Variants in POLR2F observed in about 807,000 individuals in gnomAD.
POLR2F encodes the protein DNA-directed RNA polymerases I, II, and III subunit RPABC2.
POLR2F carries 12 observed loss-of-function variants against 22.7 expected under a neutral mutation model. The ratio of observed to expected loss-of-function variants is 0.53; its 90% CI spans 0.34 to 0.86. POLR2F has a LOEUF of 0.86. Among genes scored for constraint, POLR2F ranks in the 40% least tolerant of loss-of-function variants. POLR2F has a pLI of 0.02. For missense variants in POLR2F, 126 were observed against 171.5 expected (o/e 0.73, Z 1.48); for synonymous variants, 57 against 66.0 (o/e 0.86, Z 0.66).
intron 1 of POLR2F, among the ~76,000 whole-genome samples, chr22:37,989,969 C>A (rs1932688807): frequency 6.6e-6 from 1 of 152,242 alleles, no homozygotes; most frequent in Non-Finnish European, 1.5e-5. Flanking sequence ...GGTTGGAATT[C>A]TTTTCCCTAT....
At chr22:38,009,053 G>C (rs929321553) in intron 1 of POLR2F, among the ~76,000 whole-genome samples, 1 of 152,160 alleles carries the variant, frequency 6.6e-6, no homozygotes, top group Non-Finnish European at 1.5e-5. Flanking sequence ...GGTATCTGGG[G>C]AAGAACATTC....
At chr22:38,025,780 A>C in intron 1 of POLR2F, 1 of 1,549,804 alleles carries the variant, frequency 6.5e-7, no homozygotes, top group Non-Finnish European at 8.8e-7. Context: ...CAGGGCACTC[A>C]ATCTGCACCC....
At chr22:37,966,190 T>C (rs1045577593) in intron 3 of POLR2F, among the ~76,000 whole-genome samples, 1 of 152,114 alleles carries the variant, frequency 6.6e-6, no homozygotes, top group Non-Finnish European at 1.5e-5. Context: ...TCTCGCAGGT[T>C]TTTAGGGAGA....
downstream of POLR2F, among the ~76,000 whole-genome samples, chr22:38,028,067 G>A (rs1433406939): frequency 2.0e-5 from 3 of 152,160 alleles, no homozygotes; most frequent in Admixed American, 6.5e-5. Flanking sequence ...CTGCATCACC[G>A]AAAGTCCCTG....
chr22:37,986,595 G>T lies in POLR2F; in HGVS notation c.120+283G>T, dbSNP rs1271998135. The T allele has an allele frequency of 1.4e-6, 1 of 706,304 alleles. No homozygotes were observed. The highest frequency in any genetic ancestry group is 1.7e-5 in the African/African-American group (1 of 57,354). 43.8% of individuals were successfully genotyped at this position (706,304 alleles called of 1,614,324 possible). The stretch of plus-strand genomic sequence containing the variant: ...CTGCAGGAAGCCACGCTAGACAGAA[G>T]GGGCCACTCCCTCTCTCTCTCCCTT... On this transcript the variant is annotated intron_variant, in intron 1 of 2. Transcript: ENST00000333418. This position sits in a 1 kb window ranked among gnomAD's most constrained non-coding sequence, Gnocchi z 4.7.
exon 3 of POLR2F, chr22:38,026,494 C>T (rs1462373764): frequency 8.3e-6 from 3 of 360,100 alleles, no homozygotes; most frequent in African/African-American, 4.3e-5. Flanking sequence ...CCATCTGCAA[C>T]TGTGAGATTC....
chr22:37,960,348 C>T (rs898438282), intron 3 of POLR2F, among the ~76,000 whole-genome samples: 5 of 152,020 alleles, frequency 3.3e-5, no homozygotes, highest in East Asian at 3.9e-4. Flanking sequence ...CTCAGCCTCC[C>T]GCGTAGCTGG....
intron 1 of POLR2F, among the ~76,000 whole-genome samples, chr22:38,009,690 T>C (rs933840164): frequency 1.3e-5 from 2 of 151,328 alleles, no homozygotes; most frequent in African/African-American, 2.4e-5. Flanking sequence ...CCCCACCCTC[T>C]CCCTAGGCAA....
rs762395159 is a variant in POLR2F at position 37,956,794 on chromosome 22, T to C, written c.42T>C (p.Asp14=). 1 of 1,614,000 alleles carries C rather than the reference T, an allele frequency of 6.2e-7. No individual in the cohort carries two copies. Among genetic ancestry groups the C allele is most frequent in the Non-Finnish European group, 8.5e-7 (1 of 1,179,882 alleles). Residue 14 remains aspartate (D), a synonymous_variant, in exon 2 of 5, where the codon GAT becomes GAC. Coordinates refer to ENST00000442738, the MANE Select transcript of POLR2F (RefSeq NM_021974.5). Reference sequence around the variant, plus strand: ...ACAGTTTTGATGGCGACGACTTTGATGATGTGGAGGAGGATGAAGGGCTAG... The same window carrying C: ...ACAGTTTTGATGGCGACGACTTTGACGATGTGGAGGAGGATGAAGGGCTAG... ...NEDNFDGDDF[D]DVEEDEGLDD...
chr22:38,013,009 G>A (rs1445506291), intron 1 of POLR2F, among the ~76,000 whole-genome samples: 1 of 152,166 alleles, frequency 6.6e-6, no homozygotes, highest in South Asian at 2.1e-4. Context: ...CAAGGAGATG[G>A]AAATGAAGCT....
downstream of POLR2F, chr22:37,973,172 G>A: frequency 3.1e-6 from 1 of 322,938 alleles, no homozygotes; most frequent in Non-Finnish European, 5.7e-6. Context: ...CCTCCCCGAG[G>A]AGGGTGAGCA....
At chr22:37,976,847 A>G (rs1359666961) in intron 4 of POLR2F, among the ~76,000 whole-genome samples, 1 of 152,078 alleles carries the variant, frequency 6.6e-6, no homozygotes, top group Non-Finnish European at 1.5e-5. Context: ...TAAACAAGAT[A>G]GCTTATGTCT....
rs1162650422 is a variant in POLR2F at position 37,968,220 on chromosome 22, C to G, written c.*505C>G. Reference sequence around the variant, plus strand: ...CTCGGATCCCCTTTCAGGAGCAGTGCCCCAGCAGGAAGCGTGGGGGTGTGC... The same window carrying G: ...CTCGGATCCCCTTTCAGGAGCAGTGGCCCAGCAGGAAGCGTGGGGGTGTGC... On this transcript the variant is annotated 3_prime_UTR_variant, in exon 5 of 5. Coordinates refer to ENST00000442738, the MANE Select transcript of POLR2F (RefSeq NM_021974.5). 2 of 985,342 alleles carry G rather than the reference C, an allele frequency of 2.0e-6. No individual in the cohort carries two copies. Among genetic ancestry groups the G allele is most frequent in the African/African-American group, 3.5e-5 (2 of 57,222 alleles). 61.0% of individuals were successfully genotyped at this position (985,342 alleles called of 1,614,324 possible). A position where few individuals can be genotyped will look rare whatever the true frequency, so the allele number is the denominator to read the frequency against.
intron 3 of POLR2F, among the ~76,000 whole-genome samples, chr22:37,962,143 A>T (rs548641752): frequency 5.3e-5 from 8 of 152,150 alleles, no homozygotes; most frequent in Non-Finnish European, 1.0e-4. Context: ...ACGTGGGAGG[A>T]TCACCTAAGG....
downstream of POLR2F, among the ~76,000 whole-genome samples, chr22:38,028,604 G>A (rs1290887267): frequency 1.3e-5 from 2 of 152,098 alleles, no homozygotes; most frequent in Non-Finnish European, 2.9e-5. Flanking sequence ...GTGCCTATGT[G>A]TATGCACGTG....
At chr22:37,994,606 C>T (rs2084693999) in intron 1 of POLR2F, among the ~76,000 whole-genome samples, 1 of 152,062 alleles carries the variant, frequency 6.6e-6, no homozygotes, top group Non-Finnish European at 1.5e-5. Flanking sequence ...GCAAGCTCCG[C>T]CCCCCGGGTT....
intron 1 of POLR2F, chr22:37,988,090 A>C (rs1472127417): frequency 6.6e-6 from 1 of 150,432 alleles, no homozygotes; most frequent in African/African-American, 2.5e-5. Flanking sequence ...TTGGGAGGCC[A>C]AGGTGGGCAG....
rs762176423 is a variant in POLR2F at position 37,953,710 on chromosome 22, C to T, written c.-78C>T. On this transcript the variant is annotated 5_prime_UTR_variant, in exon 1 of 5. Transcript: ENST00000442738. ...CGCAGGCGCAAGATAAGCTAGGAGC[C>T]GCGCGAGTCGTAGTGTCGCTGTTTG... 3.1e-5 allele frequency: 47 copies of T among 1,537,626 alleles called. No homozygotes were observed. The highest frequency in any genetic ancestry group is 5.8e-5 in the Admixed American group (3 of 51,442).
chr22:37,986,001 G>A (rs1176506482), upstream of POLR2F: 27 of 963,500 alleles, frequency 2.8e-5, no homozygotes, highest in Non-Finnish European at 3.5e-5. This position sits in a 1 kb window ranked among gnomAD's most constrained non-coding sequence, Gnocchi z 4.7. Context: ...CGCCACCCCC[G>A]GCGCTGCCAA....
Sources: gnomAD v4.1 joint callset for allele counts (sites outside exome capture counted in the v4.1 genomes callset) on GRCh38, gnomAD v4.1.1 for gene constraint, Gnocchi (gnomAD v3.1) non-coding constraint, MANE v1.5 for transcripts, NCBI Gene and HGNC (gene_info 2026-07-23, HGNC 2026-07-21) for gene names.